The following NF2 variants were observed in gnomAD, a reference collection of about 807,000 sequenced individuals.
NF2 encodes the protein merlin.
NF2 carries 8 observed loss-of-function variants against 83.7 expected under a neutral mutation model. That is an observed-to-expected ratio of 0.10 (90% CI 0.06 to 0.17). The LOEUF is 0.17. Among genes scored for constraint, NF2 ranks in the 10% least tolerant of loss-of-function variants. The probability of loss-of-function intolerance (pLI) is 1.00; values close to 1 mark genes in which losing one functional copy is unlikely to be tolerated. For synonymous variants in NF2, 266 were observed against 269.6 expected, an observed-to-expected ratio of 0.99 and a Z score of 0.13; for missense variants, 533 against 744.4, an observed-to-expected ratio of 0.72 and a Z score of 3.31.
At chr22:29,681,689 G>A (rs1277452088) in intron 15 of NF2, 88 bp downstream of exon 15, 1 of 1,493,694 alleles carries the variant, frequency 6.7e-7, no homozygotes, top group Non-Finnish European at 9.3e-7. Context: ...CAGTAGCCAA[G>A]TCACTAGACT....
intron 13 of NF2, among the ~76,000 whole-genome samples, chr22:29,675,424 A>C (rs1364819063): frequency 6.6e-6 from 1 of 152,142 alleles, no homozygotes. Flanking sequence ...AAATGGGGTC[A>C]CAAAATGAAT....
In NF2 at chr22:29,636,809, A is replaced by C; in HGVS notation, c.173A>C (p.Glu58Ala). The C allele has an allele frequency of 6.2e-7, 1 of 1,614,142 alleles. No individual in the cohort carries two copies. Among genetic ancestry groups the C allele is most frequent in the African/African-American group, 1.3e-5 (1 of 75,028 alleles). The part of the protein sequence containing the change: ...DLVCRTLGLR[E>A]TWFFGLQYTI... ...GTGTGCCGGACTCTGGGGCTCCGAG[A>C]AACCTGGTTCTTTGGACTGCAGTAC... is the stretch of plus-strand genomic sequence containing the variant. Residue 58 changes from glutamate (E) to alanine (A), a missense_variant, in exon 2 of 16, where the codon GAA (glutamate) becomes GCA (alanine). This residue lies in a region of NF2 where 326 missense variants were observed against 475.1 expected (regional missense o/e 0.69). Transcript: ENST00000338641. This position sits in a 1 kb window ranked among gnomAD's most constrained non-coding sequence, Gnocchi z 4.4.
chr22:29,676,968 C>T lies in NF2; in HGVS notation c.1447-1228C>T, dbSNP rs566951869. Among the ~76,000 whole-genome samples, 12 of 152,270 alleles carry T rather than the reference C, an allele frequency of 7.9e-5. No individual in the cohort carries two copies. In the South Asian group the frequency reaches 1.7e-3, roughly 21 times the overall value. Reference sequence around the variant, plus strand: ...TGTACCCAGCACCCAGATCAGAAAACAGGACATCCCTGGCACCCAAGGAGC... The same window carrying T: ...TGTACCCAGCACCCAGATCAGAAAATAGGACATCCCTGGCACCCAAGGAGC... On this transcript the variant is annotated intron_variant, in intron 13 of 15. Coordinates refer to ENST00000338641, the MANE Select transcript of NF2 (RefSeq NM_000268.4).
At chr22:29,682,934 C>A (rs774403650) in intron 15 of NF2, 2 of 1,515,964 alleles carry the variant, frequency 1.3e-6, no homozygotes, top group Non-Finnish European at 1.8e-6. Context: ...TCAGGCCTAT[C>A]CAAGCATTTT....
intron 1 of NF2, among the ~76,000 whole-genome samples, chr22:29,633,651 G>T (rs1288207291): frequency 2.6e-5 from 4 of 152,268 alleles, no homozygotes; most frequent in African/African-American, 9.6e-5. Context: ...GAGCCACCTG[G>T]TCCCAAATGG....
In NF2 at chr22:29,655,602, T is replaced by C; in HGVS notation, c.525T>C (p.Asn175=). 6.2e-7 allele frequency: 1 copy of C among 1,613,714 alleles called. No individual in the cohort carries two copies. Among genetic ancestry groups the C allele is most frequent in the Non-Finnish European group, 8.5e-7 (1 of 1,179,666 alleles). The change falls in exon 6 of 16, where the codon AAT becomes AAC. Residue 175 remains asparagine (N), a synonymous_variant. Coordinates refer to ENST00000338641, the MANE Select transcript of NF2 (RefSeq NM_000268.4). ...GCTCTATTTTTTGGTAGGTAATAAA[T>C]CTGTATCAGATGACTCCGGAAATGT... is the stretch of plus-strand genomic sequence containing the variant. ...QEELLPKRVI[N]LYQMTPEMWE... is the part of the protein sequence containing the mutation.
chr22:29,617,313 A>G (rs981739602), intron 1 of NF2, among the ~76,000 whole-genome samples: 2 of 152,306 alleles, frequency 1.3e-5, no homozygotes, highest in Admixed American at 6.5e-5. Context: ...TTCCAGACCC[A>G]AAGATGTTGG....
At chr22:29,671,071 G>A (rs2066768955) in intron 10 of NF2, among the ~76,000 whole-genome samples, 2 of 152,206 alleles carry the variant, frequency 1.3e-5, no homozygotes, top group African/African-American at 4.8e-5. Context: ...ATTAGAAATG[G>A]TGAGATGGCT....
At chr22:29,616,750 A>G (rs1296228545) in intron 1 of NF2, among the ~76,000 whole-genome samples, 1 of 151,876 alleles carries the variant, frequency 6.6e-6, no homozygotes, top group Non-Finnish European at 1.5e-5. Context: ...CTCAAGAAAA[A>G]AAAAAAAAAA....
chr22:29,613,223 A>G (rs530872056), intron 1 of NF2, among the ~76,000 whole-genome samples: 46 of 152,188 alleles, frequency 3.0e-4, no homozygotes, highest in African/African-American at 8.9e-4. Flanking sequence ...AAGACATACT[A>G]TAAAACAACT....
At chr22:29,643,865 G>A (rs1397627035) in intron 4 of NF2, among the ~76,000 whole-genome samples, 32 of 152,014 alleles carry the variant, frequency 2.1e-4, no homozygotes, top group African/African-American at 7.0e-4. Context: ...CAGTAGGGGC[G>A]GCCGGGCAGA....
At chr22:29,627,343 T>C (rs897388240) in intron 1 of NF2, among the ~76,000 whole-genome samples, 1 of 152,214 alleles carries the variant, frequency 6.6e-6, no homozygotes, top group Non-Finnish European at 1.5e-5. Flanking sequence ...ATATGAGCTA[T>C]GATTGCTCTC....
intron 8 of NF2, among the ~76,000 whole-genome samples, chr22:29,662,046 G>A (rs2066492980): frequency 2.0e-5 from 3 of 152,050 alleles, no homozygotes; most frequent in Non-Finnish European, 4.4e-5. Flanking sequence ...TTACCAAAAA[G>A]GTCCCATAAT....
At chr22:29,615,679 T>C (rs186318566) in intron 1 of NF2, among the ~76,000 whole-genome samples, 7 of 152,196 alleles carry the variant, frequency 4.6e-5, no homozygotes, top group Admixed American at 3.9e-4. Context: ...AGGTTGCAGT[T>C]AGCTGTGATT....
chr22:29,653,103 A>C (rs1008638901), intron 4 of NF2, among the ~76,000 whole-genome samples: 1 of 152,118 alleles, frequency 6.6e-6, no homozygotes, highest in Non-Finnish European at 1.5e-5. Flanking sequence ...TAAATGAAGA[A>C]ATGCCTAAAC....
chr22:29,692,901 G>A (rs544733630), intron 15 of NF2, among the ~76,000 whole-genome samples: 6 of 152,322 alleles, frequency 3.9e-5, no homozygotes, highest in South Asian at 4.1e-4. Context: ...CATCACGCCC[G>A]CTTCACAGTG....
At chr22:29,606,940 G>A (rs1454338086) in intron 1 of NF2, among the ~76,000 whole-genome samples, 1 of 152,148 alleles carries the variant, frequency 6.6e-6, no homozygotes, top group South Asian at 2.1e-4. Flanking sequence ...AGCTACTTGG[G>A]AGGCTGAAGC....
intron 4 of NF2, among the ~76,000 whole-genome samples, chr22:29,643,447 G>A (rs1013571928): frequency 2.0e-5 from 3 of 152,186 alleles, no homozygotes; most frequent in African/African-American, 4.8e-5. Context: ...GACTTCCGCA[G>A]CGTTTGTGTC....
chr22:29,658,342 C>G, intron 7 of NF2, 78 bp downstream of exon 7: 1 of 1,245,054 alleles, frequency 8.0e-7, no homozygotes, highest in Non-Finnish European at 1.2e-6. Context: ...ATGGTTACTT[C>G]TTCATTCCAA....
Sources: allele counts gnomAD v4.1 joint callset (sites outside exome capture counted in the v4.1 genomes callset), GRCh38; gene constraint gnomAD v4.1.1; regional missense constraint gnomAD v4.1.1; non-coding constraint Gnocchi (gnomAD v3.1); transcripts MANE v1.5; gene names NCBI Gene and HGNC (gene_info 2026-07-23, HGNC 2026-07-21).